Variants in CDC14A observed in about 807,000 individuals in gnomAD.
CDC14A encodes dual specificity protein phosphatase CDC14A.
In CDC14A, 53 loss-of-function variants were observed where a neutral mutation model predicts 74.4. The observed-to-expected ratio is 0.71, with a 90% CI of 0.57 to 0.89. The LOEUF is 0.89. CDC14A is among the 40% of genes least tolerant of loss of function. The pLI is 0.00. For missense variants in CDC14A, 646 were observed against 713.7 expected (o/e 0.91, Z 1.08); for synonymous variants, 247 against 258.4 (o/e 0.96, Z 0.43).
At chr1:100,499,540 T>G in intron 15 of CDC14A, 1 of 1,010,300 alleles carries the variant, frequency 9.9e-7, no homozygotes, top group South Asian at 2.1e-5. Flanking sequence ...GAAATAGCTT[T>G]CATTCTTTTG....
intron 5 of CDC14A, among the ~76,000 whole-genome samples, chr1:100,429,704 CAAGTATATTTATATATATATTAT>C (rs1663411516): frequency 5.1e-5 from 7 of 137,050 alleles, no homozygotes; most frequent in Non-Finnish European, 1.1e-4. Flanking sequence ...ATATATATAT[CAAGTATATTTATATATATATTAT>C]ATATATATCA....
chr1:100,447,039 C>G (rs1270015445), intron 7 of CDC14A, among the ~76,000 whole-genome samples: 1 of 152,116 alleles, frequency 6.6e-6, no homozygotes, highest in African/African-American at 2.4e-5. Flanking sequence ...TTAATTTAGA[C>G]TAGCCATATT....
At chr1:100,485,235 G>C in intron 11 of CDC14A, 3 of 985,396 alleles carry the variant, frequency 3.0e-6, no homozygotes, top group Non-Finnish European at 3.6e-6. Context: ...TTTGTGATTT[G>C]TGTAAAGTTC....
chr1:100,466,541 C>A (rs971245180), intron 9 of CDC14A, among the ~76,000 whole-genome samples: 10 of 152,068 alleles, frequency 6.6e-5, no homozygotes, highest in African/African-American at 2.2e-4. Flanking sequence ...CACACACACA[C>A]CTCATCTAAT....
intron 2 of CDC14A, among the ~76,000 whole-genome samples, chr1:100,365,083 T>C (rs1382377544): frequency 6.6e-6 from 1 of 152,222 alleles, no homozygotes; most frequent in African/African-American, 2.4e-5. Context: ...ATAGTTGATA[T>C]TGGGGTTCTC....
intron 1 of CDC14A, among the ~76,000 whole-genome samples, chr1:100,353,558 C>CG (rs1167743753): frequency 1.3e-5 from 2 of 152,196 alleles, no homozygotes; most frequent in Non-Finnish European, 2.9e-5. Context: ...CTCTGAGCCC[C>CG]GCTGAGTTCC....
At chr1:100,503,142 C>T (rs1470377329) in intron 15 of CDC14A, among the ~76,000 whole-genome samples, 1 of 152,072 alleles carries the variant, frequency 6.6e-6, no homozygotes, top group African/African-American at 2.4e-5. Flanking sequence ...GATGAAAATT[C>T]CCACTTTGTG....
At chr1:100,404,837 C>G (rs1363434340) in intron 4 of CDC14A, among the ~76,000 whole-genome samples, 2 of 115,996 alleles carry the variant, frequency 1.7e-5, no homozygotes, top group Non-Finnish European at 4.2e-5. Flanking sequence ...CTCAAAAAAA[C>G]AAAACAAAAC....
intron 15 of CDC14A, among the ~76,000 whole-genome samples, chr1:100,516,974 C>G (rs575368800): frequency 6.6e-6 from 1 of 152,356 alleles, no homozygotes; most frequent in Admixed American, 6.5e-5. Context: ...TACCTCTCAC[C>G]TAAGCCTTTC....
intron 2 of CDC14A, among the ~76,000 whole-genome samples, chr1:100,369,516 G>A (rs1654136307): frequency 1.3e-5 from 2 of 152,134 alleles, no homozygotes; most frequent in South Asian, 4.1e-4. Context: ...TATGTTAGGT[G>A]CTTGTGTTTC....
chr1:100,500,706 G>A (rs982838423), intron 15 of CDC14A, among the ~76,000 whole-genome samples: 15 of 130,362 alleles, frequency 1.2e-4, no homozygotes, highest in African/African-American at 4.5e-4. Context: ...AGCCAAGATC[G>A]TGCCACGGCA....
intron 6 of CDC14A, among the ~76,000 whole-genome samples, chr1:100,440,376 C>G (rs1664794894): frequency 6.6e-6 from 1 of 152,060 alleles, no homozygotes; most frequent in African/African-American, 2.4e-5. Context: ...CACCCCAGAC[C>G]CACTAAAACA....
At chr1:100,465,021 G>T (rs1365012530) in intron 9 of CDC14A, among the ~76,000 whole-genome samples, 2 of 151,610 alleles carry the variant, frequency 1.3e-5, no homozygotes, top group South Asian at 2.1e-4. Context: ...TGCCTCCCAG[G>T]TTCAATCAAT....
At chr1:100,387,198 A>G (rs1413004409) in intron 3 of CDC14A, among the ~76,000 whole-genome samples, 2 of 152,200 alleles carry the variant, frequency 1.3e-5, no homozygotes, top group African/African-American at 4.8e-5. Flanking sequence ...AAGGAAAGAC[A>G]TTAGCAAAAG....
chr1:100,405,265 G>A (rs1659794405), intron 4 of CDC14A, among the ~76,000 whole-genome samples: 2 of 151,896 alleles, frequency 1.3e-5, no homozygotes, highest in South Asian at 4.1e-4. Context: ...ACTTCATTTT[G>A]CAATTAATTG....
At chr1:100,443,035 T>C in intron 7 of CDC14A, 39 bp downstream of exon 7, 2 of 1,359,118 alleles carry the variant, frequency 1.5e-6, no homozygotes, top group Non-Finnish European at 2.1e-6. Flanking sequence ...CATAATTTCA[T>C]GTTGATTAAT....
At chr1:100,512,660 A>G (rs1440014862) in intron 15 of CDC14A, among the ~76,000 whole-genome samples, 3 of 152,228 alleles carry the variant, frequency 2.0e-5, no homozygotes, top group African/African-American at 7.2e-5. Context: ...AAATTTCTCC[A>G]GAAAAAAGAA....
Position 100,443,201 on chromosome 1 carries a change from CTA to C in CDC14A, c.519+213_519+214del, listed in dbSNP as rs371958146. The C allele has an allele frequency of 3.4e-4, 167 of 489,334 alleles. 2 individuals carry two copies. In the South Asian group the frequency reaches 4.7e-3, roughly 14 times the overall value. 30.3% of individuals were successfully genotyped at this position (489,334 alleles called of 1,614,324 possible). A position where few individuals can be genotyped will look rare whatever the true frequency, so the allele number is the denominator to read the frequency against. ...ATTTTATTTTGGAAAAACAACATAT[CTA>C]TATATATTCTCTCATTTATATACAA... is the stretch of plus-strand genomic sequence containing the variant. On this transcript the variant is annotated intron_variant, in intron 7 of 15. Coordinates refer to ENST00000336454, the MANE Select transcript of CDC14A (RefSeq NM_003672.4).
chr1:100,519,055 T>C lies in CDC14A; in HGVS notation c.*775T>C, dbSNP rs2101495090. The C allele has an allele frequency of 6.6e-6, 1 of 152,280 alleles. No individual in the cohort carries two copies. Among genetic ancestry groups the C allele is most frequent in the Middle Eastern group, 3.4e-3 (1 of 294 alleles). The allele number at this position is 152,280 out of a possible 1,614,324, so 9.4% of individuals were successfully genotyped here. A position where few individuals can be genotyped will look rare whatever the true frequency, so the allele number is the denominator to read the frequency against. On this transcript the variant is annotated 3_prime_UTR_variant, in exon 16 of 16. Transcript: ENST00000336454. The stretch of plus-strand genomic sequence containing the variant: ...CAGTGAAAGATCAGAATTCACTGAA[T>C]ATTTCTTCTGAGAGCATGGTTTCAT...
Sources: allele counts gnomAD v4.1 joint callset (sites outside exome capture counted in the v4.1 genomes callset), GRCh38; gene constraint gnomAD v4.1.1; transcripts MANE v1.5; gene names NCBI Gene and HGNC (gene_info 2026-07-23, HGNC 2026-07-21).